Variants in RAD9B observed in about 807,000 individuals in gnomAD.
RAD9B encodes the protein RAD9 checkpoint clamp component B, also known as cell cycle checkpoint control protein RAD9B.
Under a neutral mutation model 48.3 loss-of-function variants are expected in RAD9B, and 41 were observed. That is an observed-to-expected ratio of 0.85 (90% CI 0.66 to 1.10). The LOEUF (loss-of-function observed/expected upper bound fraction) is 1.10, where lower values mean the gene tolerates loss of function less well. Ranked by LOEUF, RAD9B falls within the 50% of genes least tolerant of loss-of-function variation. The pLI is 0.00. For synonymous variants in RAD9B, 160 were observed against 157.9 expected (o/e 1.01, Z -0.10); for missense variants, 444 against 485.1 (o/e 0.92, Z 0.80).
At position 110,531,714 on chromosome 12, in the gene RAD9B, T is replaced by C. The variant is rs1326947039; in HGVS notation, c.*1061T>C. On this transcript the variant is annotated 3_prime_UTR_variant, in exon 11 of 11. Transcript: ENST00000409300. ...GACAAATGTCTCTGTTCTTTGGCCC[T>C]TTAAGAGTTAGCTTTTTACCTGCAC... The C allele has an allele frequency of 1.3e-5, 17 of 1,359,470 alleles. No homozygotes were observed. The highest frequency in any genetic ancestry group is 1.7e-5 in the Non-Finnish European group (17 of 984,340). The allele number at this position is 1,359,470 out of a possible 1,614,324, so 84.2% of individuals were successfully genotyped here.
intron 2 of RAD9B, among the ~76,000 whole-genome samples, 185 bp from the exon 3 acceptor site, chr12:110,505,432 T>C (rs1206308050): frequency 6.6e-6 from 1 of 152,130 alleles, no homozygotes; most frequent in Non-Finnish European, 1.5e-5. Context: ...AGAAAGTTTA[T>C]TTTCTCCTAA....
At chr12:110,502,419 G>T in intron 1 of RAD9B, 36 bp downstream of exon 1, 1 of 1,610,032 alleles carries the variant, frequency 6.2e-7, no homozygotes. Context: ...ATTTAGCAGA[G>T]AGAAAAGCAG....
chr12:110,530,822 T>C lies in RAD9B; in HGVS notation c.*169T>C. On this transcript the variant is annotated 3_prime_UTR_variant, in exon 11 of 11. Coordinates refer to ENST00000409300, the MANE Select transcript of RAD9B (RefSeq NM_001286535.2). ...TACAACAACCATATCTAGAAATAGC[T>C]GTTTGTCAAGTGTATGTAACTTGCT... 1.4e-6 allele frequency: 2 copies of C among 1,402,926 alleles called. No homozygotes were observed. The highest frequency in any genetic ancestry group is 1.9e-6 in the Non-Finnish European group (2 of 1,079,074). 86.9% of individuals were successfully genotyped at this position (1,402,926 alleles called of 1,614,324 possible). A position where few individuals can be genotyped will look rare whatever the true frequency, so the allele number is the denominator to read the frequency against.
At position 110,532,312 on chromosome 12, in the gene RAD9B, G is replaced by A. The variant is rs907504575; in HGVS notation, c.*1659G>A. ...GTAACTCTGTAGGTCTCTTTGCTGA[G>A]GATAACATTTCTGGTTCATTCATTG... On this transcript the variant is annotated 3_prime_UTR_variant, in exon 11 of 11. Transcript: ENST00000409300. Among the ~76,000 whole-genome samples the A allele has an allele frequency of 6.6e-6, 1 of 152,190 alleles. No homozygotes were observed. The highest frequency in any genetic ancestry group is 2.4e-5 in the African/African-American group (1 of 41,444).
At chr12:110,507,371 A>G (rs1277459581) in intron 4 of RAD9B, among the ~76,000 whole-genome samples, 2 of 143,294 alleles carry the variant, frequency 1.4e-5, no homozygotes, top group Non-Finnish European at 3.0e-5. Flanking sequence ...TGTATTATAT[A>G]TAATATATGT....
intron 10 of RAD9B, among the ~76,000 whole-genome samples, chr12:110,525,500 A>T (rs182627587): frequency 7.2e-5 from 11 of 152,208 alleles, no homozygotes; most frequent in Admixed American, 3.3e-4. Flanking sequence ...TCATGATTCA[A>T]TTTAAACTAT....
chr12:110,511,103 T>C (rs2063445050), intron 4 of RAD9B, among the ~76,000 whole-genome samples: 1 of 152,004 alleles, frequency 6.6e-6, no homozygotes, highest in Non-Finnish European at 1.5e-5. Context: ...TGAAAGAGAG[T>C]AATAGAGATA....
chr12:110,509,321 G>A (rs2063390579), intron 4 of RAD9B, among the ~76,000 whole-genome samples: 1 of 151,918 alleles, frequency 6.6e-6, no homozygotes, highest in Non-Finnish European at 1.5e-5. Flanking sequence ...GCCCAGGCTG[G>A]TCTTGAACTC....
At chr12:110,517,635 A>G (rs2063642546) in intron 6 of RAD9B, among the ~76,000 whole-genome samples, 1 of 151,756 alleles carries the variant, frequency 6.6e-6, no homozygotes, top group African/African-American at 2.4e-5. Context: ...AAAAAAAAAT[A>G]ATAAAAACAT....
In RAD9B at chr12:110,515,082, C is replaced by G. The variant is rs1197422156; in HGVS notation, c.521C>G (p.Ser174Ter). Residue 174 changes from serine to a stop codon, truncating the protein, a stop_gained, in exon 6 of 11, where the codon TCA becomes TGA. Transcript: ENST00000409300. LOFTEE classifies it high-confidence loss of function. ...GCTGATGCCATTGTTCTTTTTACAT[C>G]AAGTCAAGAGGAAGTTACTCTTGCT... ...LLADAIVLFT[S>*]SQEEVTLAVT... is the part of the protein sequence containing the mutation. 1 of 1,555,722 alleles carries G rather than the reference C, an allele frequency of 6.4e-7. No individual in the cohort carries two copies. Among genetic ancestry groups the G allele is most frequent in the East Asian group, 2.4e-5 (1 of 41,934 alleles).
chr12:110,523,739 G>A lies in RAD9B; in HGVS notation c.1125+1328G>A, dbSNP rs938338118. ...CAGGTCCCTGAAATTCACTAAGATT[G>A]CCAGTTTCTTTGCTAGAGAAAATGA... On this transcript the variant is annotated intron_variant, in intron 10 of 10. Coordinates refer to ENST00000409300, the MANE Select transcript of RAD9B (RefSeq NM_001286535.2). Among the ~76,000 whole-genome samples, 19 of 152,118 alleles carry A rather than the reference G, an allele frequency of 1.2e-4. 1 individual carries two copies. Among genetic ancestry groups the A allele is most frequent in the Admixed American group, 1.0e-3 (16 of 15,262 alleles).
At chr12:110,508,195 C>A (rs1292160328) in intron 4 of RAD9B, 1 of 169,250 alleles carries the variant, frequency 5.9e-6, no homozygotes, top group Non-Finnish European at 1.5e-5. Context: ...TGCATAAGCT[C>A]TCTGAATCTT....
intron 3 of RAD9B, among the ~76,000 whole-genome samples, chr12:110,506,137 C>T (rs576840444): frequency 3.0e-4 from 46 of 152,070 alleles, no homozygotes; most frequent in Middle Eastern, 3.4e-3. Context: ...CTGCCCACCT[C>T]GGCCTCCCAA....
intron 6 of RAD9B, 82 bp downstream of exon 6, chr12:110,515,238 G>C: frequency 1.4e-6 from 1 of 714,806 alleles, no homozygotes; most frequent in South Asian, 1.8e-5. Context: ...AAATATTAGT[G>C]ACATAATTTT....
At chr12:110,519,682 C>A in intron 8 of RAD9B, 112 bp from the exon 9 acceptor site, 2 of 1,195,064 alleles carry the variant, frequency 1.7e-6, no homozygotes, top group Non-Finnish European at 2.3e-6. Flanking sequence ...ATGATCCACC[C>A]GCCTTGGCCT....
chr12:110,512,981 T>C (rs969116773), intron 5 of RAD9B, 103 bp downstream of exon 5: 8 of 649,708 alleles, frequency 1.2e-5, no homozygotes, highest in African/African-American at 1.9e-5. Context: ...TTTTTTTTTT[T>C]TTTATATGGA....
rs566758661 is a variant in RAD9B, at chr12:110,533,416, C to T, written c.*2763C>T. 6.6e-6 allele frequency: 1 copy of T among 152,230 alleles called. No homozygotes were observed. Among genetic ancestry groups the T allele is most frequent in the Non-Finnish European group, 1.5e-5 (1 of 68,012 alleles). The allele number at this position is 152,230 out of a possible 1,614,324, so 9.4% of individuals were successfully genotyped here. On this transcript the variant is annotated 3_prime_UTR_variant, in exon 11 of 11. Coordinates refer to ENST00000409300, the MANE Select transcript of RAD9B (RefSeq NM_001286535.2). ...AAAAAAAGCAGCTCATTAGTATACA[C>T]ACAGATTCTAATTTGCTTCATTATT...
chr12:110,531,484 GC>G lies in RAD9B; in HGVS notation c.*834del. ...TGGGATTACAGACTTGAGCCACTGC[GC>G]CCAACCTGGAGTGTTTTTACATATT... On this transcript the variant is annotated 3_prime_UTR_variant, in exon 11 of 11. Transcript: ENST00000409300. 1.1e-6 allele frequency: 1 copy of G among 915,134 alleles called. No individual in the cohort carries two copies. The allele number at this position is 915,134 out of a possible 1,614,324, so 56.7% of individuals were successfully genotyped here. A position where few individuals can be genotyped will look rare whatever the true frequency, so the allele number is the denominator to read the frequency against.
chr12:110,526,992 T>C (rs1467322626), intron 10 of RAD9B, among the ~76,000 whole-genome samples: 1 of 152,018 alleles, frequency 6.6e-6, no homozygotes, highest in African/African-American at 2.4e-5. Flanking sequence ...CTTTAACAAA[T>C]TGCCACAAAT....
Sources: gnomAD v4.1 joint callset for allele counts (sites outside exome capture counted in the v4.1 genomes callset) on GRCh38, gnomAD v4.1.1 for gene constraint, MANE v1.5 for transcripts, NCBI Gene and HGNC (gene_info 2026-07-23, HGNC 2026-07-21) for gene names.